The following KCTD8 variants were observed in gnomAD, a reference collection of about 807,000 sequenced individuals.
The protein encoded by KCTD8 is BTB/POZ domain-containing protein KCTD8.
In KCTD8, 27 loss-of-function variants were observed where a neutral mutation model predicts 31.5. The ratio of observed to expected loss-of-function variants is 0.86; its 90% CI spans 0.63 to 1.18. KCTD8 has a LOEUF of 1.18. KCTD8 is among the 50% of genes most tolerant of loss of function. The probability of loss-of-function intolerance (pLI) is 0.00; values close to 1 mark genes in which losing one functional copy is unlikely to be tolerated. For missense variants in KCTD8, 658 were observed against 647.7 expected (o/e 1.02, Z -0.17); for synonymous variants, 290 against 280.0 (o/e 1.04, Z -0.36).
intron 1 of KCTD8, among the ~76,000 whole-genome samples, chr4:44,340,575 C>T (rs1050593659): frequency 3.3e-5 from 5 of 151,288 alleles, no homozygotes; most frequent in African/African-American, 9.7e-5. Context: ...TCCCAAAGTG[C>T]TGGGATTACA....
At chr4:44,228,079 A>G (rs764007082) in intron 1 of KCTD8, among the ~76,000 whole-genome samples, 17 of 152,124 alleles carry the variant, frequency 1.1e-4, no homozygotes, top group Admixed American at 2.0e-4. Context: ...GGCCTCATCT[A>G]TCTTTCCAGC....
chr4:44,285,486 G>C (rs1717036591), intron 1 of KCTD8, among the ~76,000 whole-genome samples: 1 of 152,090 alleles, frequency 6.6e-6, no homozygotes, highest in East Asian at 1.9e-4. Flanking sequence ...TCGGGGTGTA[G>C]GGGAGGGATA....
intron 1 of KCTD8, among the ~76,000 whole-genome samples, chr4:44,265,974 A>G (rs544503393): frequency 5.1e-4 from 78 of 152,322 alleles, no homozygotes; most frequent in African/African-American, 1.8e-3. Flanking sequence ...ACTCTGCAGG[A>G]TATTATCCAG....
intron 1 of KCTD8, among the ~76,000 whole-genome samples, chr4:44,317,401 G>T (rs1166403932): frequency 1.4e-5 from 2 of 143,270 alleles, no homozygotes; most frequent in East Asian, 4.0e-4. Flanking sequence ...CACCGCACCC[G>T]GCTAATTTTT....
intron 1 of KCTD8, among the ~76,000 whole-genome samples, chr4:44,275,834 A>G (rs1177135685): frequency 1.3e-5 from 2 of 152,028 alleles, no homozygotes; most frequent in Non-Finnish European, 2.9e-5. Context: ...ATGGTAGTAT[A>G]AAGAGAGTGA....
chr4:44,246,970 T>G (rs928349781), intron 1 of KCTD8, among the ~76,000 whole-genome samples: 3 of 149,592 alleles, frequency 2.0e-5, no homozygotes, highest in African/African-American at 7.3e-5. Flanking sequence ...TGTGTCACAT[T>G]GTTTTGTTTT....
In KCTD8 at chr4:44,219,063, C is replaced by T. The variant is rs137944980; in HGVS notation, c.962-43813G>A. Among the ~76,000 whole-genome samples, 1,311 of 152,262 alleles carry T rather than the reference C, an allele frequency of 8.6e-3. 18 individuals are homozygous for T. Among genetic ancestry groups the T allele is most frequent in the African/African-American group, 0.03 (1,245 of 41,532 alleles). ...CATAACACAGGTTTGCTTCACTCAC[C>T]TCGAAAAGTATTCTGAAGGAACCAA... On this transcript the variant is annotated intron_variant, in intron 1 of 1. Coordinates refer to ENST00000360029, the MANE Select transcript of KCTD8 (RefSeq NM_198353.3).
chr4:44,323,103 C>T (rs1718341425), intron 1 of KCTD8, among the ~76,000 whole-genome samples: 1 of 151,934 alleles, frequency 6.6e-6, no homozygotes, highest in Non-Finnish European at 1.5e-5. Context: ...TTTAAGATGA[C>T]CTTTTTCTAT....
chr4:44,364,906 G>T (rs992338922), intron 1 of KCTD8, among the ~76,000 whole-genome samples: 3 of 151,944 alleles, frequency 2.0e-5, no homozygotes, highest in Non-Finnish European at 4.4e-5. Flanking sequence ...GTCAGGCAGG[G>T]AGTGAGGGAA....
intron 1 of KCTD8, among the ~76,000 whole-genome samples, chr4:44,313,934 G>C (rs1279692791): frequency 1.3e-5 from 2 of 152,220 alleles, no homozygotes; most frequent in African/African-American, 2.4e-5. Context: ...AATGGAACAG[G>C]CTGTGCAAAG....
chr4:44,434,520 A>T (rs1336802463), intron 1 of KCTD8, among the ~76,000 whole-genome samples: 1 of 151,868 alleles, frequency 6.6e-6, no homozygotes, highest in Non-Finnish European at 1.5e-5. Context: ...AACACTCCTA[A>T]ACCCAGTCAT....
rs892598810 is a variant in KCTD8 at position 44,316,863 on chromosome 4, A to G, written c.961+130700T>C. Among the ~76,000 whole-genome samples the G allele has an allele frequency of 2.0e-5, 3 of 147,338 alleles. No homozygotes were observed. The South Asian group carries it at 6.6e-4, about 32-fold the overall frequency. ...CTTGGTGGCCGGCGCCTGTAGTCCC[A>G]GATACTTGGGAGGCTGAGGCAGAAG... On this transcript the variant is annotated intron_variant, in intron 1 of 1. Transcript: ENST00000360029.
chr4:44,301,908 A>G (rs1215441239), intron 1 of KCTD8, among the ~76,000 whole-genome samples: 1 of 152,152 alleles, frequency 6.6e-6, no homozygotes, highest in African/African-American at 2.4e-5. Flanking sequence ...GGTGTAAGGA[A>G]GGGATCCAGT....
chr4:44,441,011 T>G (rs926574708), intron 1 of KCTD8, among the ~76,000 whole-genome samples: 1 of 152,132 alleles, frequency 6.6e-6, no homozygotes, highest in African/African-American at 2.4e-5. Flanking sequence ...ACAACTAAAT[T>G]TGTATGACAA....
At chr4:44,245,060 C>T (rs895684072) in intron 1 of KCTD8, among the ~76,000 whole-genome samples, 1 of 152,136 alleles carries the variant, frequency 6.6e-6, no homozygotes, top group Admixed American at 6.6e-5. Context: ...AGTAAACATA[C>T]TCAACCATTC....
intron 1 of KCTD8, among the ~76,000 whole-genome samples, chr4:44,371,443 C>T (rs1325189584): frequency 6.6e-6 from 1 of 151,962 alleles, no homozygotes. Context: ...CTTTCGTATC[C>T]CTGAGGTAGA....
At chr4:44,331,375 G>A (rs902566694) in intron 1 of KCTD8, among the ~76,000 whole-genome samples, 8 of 151,806 alleles carry the variant, frequency 5.3e-5, no homozygotes, top group Middle Eastern at 3.4e-3. Flanking sequence ...TAGCTCCAAC[G>A]CACTTTAACG....
intron 1 of KCTD8, among the ~76,000 whole-genome samples, chr4:44,435,171 T>C (rs1184396654): frequency 6.6e-6 from 1 of 152,028 alleles, no homozygotes; most frequent in African/African-American, 2.4e-5. Flanking sequence ...TCAATTCATA[T>C]AGTACAATTC....
chr4:44,272,318 T>C (rs1203967408), intron 1 of KCTD8, among the ~76,000 whole-genome samples: 2 of 151,666 alleles, frequency 1.3e-5, no homozygotes, highest in Non-Finnish European at 2.9e-5. Context: ...AGATAAATGA[T>C]GAACAAATAA....
Sources: allele counts gnomAD v4.1 joint callset (sites outside exome capture counted in the v4.1 genomes callset), GRCh38; gene constraint gnomAD v4.1.1; transcripts MANE v1.5; gene names NCBI Gene and HGNC (gene_info 2026-07-23, HGNC 2026-07-21).